Variants in GRAMD1B observed in about 807,000 individuals in gnomAD.
The protein encoded by GRAMD1B is GRAM domain containing 1B.
In GRAMD1B, 37 loss-of-function variants were observed where a neutral mutation model predicts 99.7. The ratio of observed to expected loss-of-function variants is 0.37; its 90% CI spans 0.29 to 0.49. GRAMD1B has a LOEUF of 0.49. Among genes scored for constraint, GRAMD1B ranks in the 20% least tolerant of loss-of-function variants. The pLI, the probability that GRAMD1B is intolerant of heterozygous loss-of-function variation, is 0.98. For missense variants in GRAMD1B, 888 were observed against 1,009.2 expected (o/e 0.88, Z 1.63); for synonymous variants, 427 against 387.6 (o/e 1.10, Z -1.19).
chr11:123,363,102 T>C (rs1946200485), intron 1 of GRAMD1B, among the ~76,000 whole-genome samples: 1 of 151,978 alleles, frequency 6.6e-6, no homozygotes, highest in African/African-American at 2.4e-5. Context: ...GCACCTTGCT[T>C]TCAGGTTTTT....
intron 2 of GRAMD1B, among the ~76,000 whole-genome samples, chr11:123,486,498 A>C (rs960741147): frequency 6.6e-6 from 1 of 151,000 alleles, no homozygotes; most frequent in African/African-American, 2.4e-5. Flanking sequence ...TAATGAGCCT[A>C]GACTGTGCTA....
rs544429411 is a variant in GRAMD1B, at chr11:123,623,262, C to G, written c.*667C>G. ...GATACTCTCCTCCATCACCCCTGCA[C>G]CTTCCTCCGACCTGTGTAGGGTGTG... On this transcript the variant is annotated 3_prime_UTR_variant, in exon 20 of 20. Transcript: ENST00000635736. 6.6e-6 allele frequency: 1 copy of G among 152,230 alleles called. No homozygotes were observed. Among genetic ancestry groups the G allele is most frequent in the Admixed American group, 6.5e-5 (1 of 15,296 alleles). The allele number at this position is 152,230 out of a possible 1,614,324, so 9.4% of individuals were successfully genotyped here. A position where few individuals can be genotyped will look rare whatever the true frequency, so the allele number is the denominator to read the frequency against.
intron 2 of GRAMD1B, among the ~76,000 whole-genome samples, chr11:123,509,318 C>T (rs1940746466): frequency 6.6e-6 from 1 of 152,208 alleles, no homozygotes; most frequent in Non-Finnish European, 1.5e-5. Flanking sequence ...ACCGACGTCC[C>T]TAACAGAAGA....
chr11:123,503,206 G>A (rs772519175), intron 2 of GRAMD1B, among the ~76,000 whole-genome samples: 2 of 152,208 alleles, frequency 1.3e-5, no homozygotes, highest in Non-Finnish European at 2.9e-5. Flanking sequence ...CCAGGGCAGG[G>A]CGTGGCAGCC....
At chr11:123,386,750 C>T (rs1947075122) in intron 1 of GRAMD1B, among the ~76,000 whole-genome samples, 1 of 152,172 alleles carries the variant, frequency 6.6e-6, no homozygotes, top group African/African-American at 2.4e-5. Context: ...TGCCCAGCCT[C>T]ACACTATACT....
chr11:123,442,598 C>T (rs1036063532), intron 1 of GRAMD1B, among the ~76,000 whole-genome samples: 31 of 152,112 alleles, frequency 2.0e-4, no homozygotes, highest in South Asian at 4.1e-4. Context: ...GGCAAAACCC[C>T]GTCTCTACTA....
At position 123,610,345 on chromosome 11, in the gene GRAMD1B, T is replaced by A. The variant is rs1434944079; in HGVS notation, c.1919+7T>A. On this transcript the variant is annotated splice_region_variant and intron_variant, in intron 14 of 19. Transcript: ENST00000635736. This position sits in a 1 kb window ranked among gnomAD's most constrained non-coding sequence, Gnocchi z 4.1. ...GGAACAAGAGCCGACTCAGGTGTGGTGTGTGGAAGTCCCAGTGCGGTCAGA... is the reference window on the plus strand; with the variant it reads ...GGAACAAGAGCCGACTCAGGTGTGGAGTGTGGAAGTCCCAGTGCGGTCAGA... The A allele has an allele frequency of 1.2e-6, 2 of 1,613,652 alleles. No individual in the cohort carries two copies. The highest frequency in any genetic ancestry group is 3.3e-5 in the Admixed American group (2 of 60,014).
chr11:123,486,229 A>T (rs1348917454), intron 2 of GRAMD1B, among the ~76,000 whole-genome samples: 1 of 152,154 alleles, frequency 6.6e-6, no homozygotes, highest in Non-Finnish European at 1.5e-5. Flanking sequence ...TTCCTACCAG[A>T]TCTTACACCC....
chr11:123,412,331 G>A (rs1274552982), intron 1 of GRAMD1B, among the ~76,000 whole-genome samples: 1 of 152,214 alleles, frequency 6.6e-6, no homozygotes, highest in African/African-American at 2.4e-5. Context: ...AAAGCCATTT[G>A]TTGTGTGCCT....
At chr11:123,393,463 C>A (rs748647246) in intron 1 of GRAMD1B, among the ~76,000 whole-genome samples, 1 of 152,150 alleles carries the variant, frequency 6.6e-6, no homozygotes, top group Admixed American at 6.6e-5. Context: ...AGATGGCAAC[C>A]GTGGCTGCAG....
chr11:123,482,464 C>A (rs984273458), intron 2 of GRAMD1B, among the ~76,000 whole-genome samples: 1 of 152,086 alleles, frequency 6.6e-6, no homozygotes, highest in Non-Finnish European at 1.5e-5. Flanking sequence ...AGATTTATTT[C>A]GCAAGTGTAG....
chr11:123,488,503 A>T (rs1938143919), intron 2 of GRAMD1B, among the ~76,000 whole-genome samples: 1 of 152,152 alleles, frequency 6.6e-6, no homozygotes, highest in South Asian at 2.1e-4. Context: ...CAAGATGAAG[A>T]CATGGTCCCT....
intron 2 of GRAMD1B, 147 bp from the exon 3 acceptor site, chr11:123,577,220 G>GCA: frequency 4.3e-6 from 3 of 694,654 alleles, no homozygotes; most frequent in Non-Finnish European, 7.5e-6. Context: ...CGCAGCCTGG[G>GCA]CCCCTCTCTC....
chr11:123,582,099 C>T (rs907522725), intron 3 of GRAMD1B, among the ~76,000 whole-genome samples: 2 of 152,232 alleles, frequency 1.3e-5, no homozygotes, highest in African/African-American at 4.8e-5. Context: ...TTTGAGGAAG[C>T]ACAAGGAGAC....
intron 2 of GRAMD1B, among the ~76,000 whole-genome samples, chr11:123,564,447 T>G (rs1947130521): frequency 6.6e-6 from 1 of 152,214 alleles, no homozygotes; most frequent in Non-Finnish European, 1.5e-5. Flanking sequence ...GAGGAGTAGT[T>G]TGTCCCCAGA....
At chr11:123,589,614 T>TTATATATATATATATATATA (rs71060517) in intron 4 of GRAMD1B, among the ~76,000 whole-genome samples, 67 of 128,250 alleles carry the variant, frequency 5.2e-4, no homozygotes, top group African/African-American at 2.0e-3. Context: ...TGGCTAATTT[T>TTATATATATATATATATATA]TATATATATA....
chr11:123,364,960 TA>T (rs969485775), intron 1 of GRAMD1B, among the ~76,000 whole-genome samples: 3 of 152,062 alleles, frequency 2.0e-5, no homozygotes, highest in Admixed American at 1.3e-4. Flanking sequence ...GAATGGCCGA[TA>T]AAAAAAATCA....
chr11:123,434,740 A>T (rs1017298316), intron 1 of GRAMD1B, among the ~76,000 whole-genome samples: 1 of 152,224 alleles, frequency 6.6e-6, no homozygotes, highest in Non-Finnish European at 1.5e-5. Context: ...GTGAGCTGAG[A>T]TCACACCACT....
At chr11:123,605,226 A>G (rs1952552705) in intron 9 of GRAMD1B, 96 bp from the exon 10 acceptor site, 2 of 804,814 alleles carry the variant, frequency 2.5e-6, no homozygotes, top group Non-Finnish European at 3.6e-6. Flanking sequence ...AGGAAATCTC[A>G]TAGATATGGA....
Sources: gnomAD v4.1 joint callset for allele counts (sites outside exome capture counted in the v4.1 genomes callset) on GRCh38, gnomAD v4.1.1 for gene constraint, Gnocchi (gnomAD v3.1) non-coding constraint, MANE v1.5 for transcripts, NCBI Gene and HGNC (gene_info 2026-07-23, HGNC 2026-07-21) for gene names.